C12orf54: variants seen among roughly 807,000 people sequenced by gnomAD.
C12orf54 encodes uncharacterized protein C12orf54.
Under a neutral mutation model 26.4 loss-of-function variants are expected in C12orf54, and 24 were observed. That is an observed-to-expected ratio of 0.91 (90% confidence interval 0.66 to 1.28). C12orf54 has a LOEUF of 1.28. C12orf54 is among the 50% of genes most tolerant of loss of function. The pLI, the probability that C12orf54 is intolerant of heterozygous loss-of-function variation, is 0.00. For missense variants in C12orf54, 154 were observed against 150.9 expected (o/e 1.02, Z -0.11); for synonymous variants, 54 against 47.0 (o/e 1.15, Z -0.61).
At chr12:48,439,840 A>G in the C12orf54 span, among the ~76,000 whole-genome samples, 1 of 152,180 alleles carries the variant, frequency 6.6e-6, no homozygotes, top group Non-Finnish European at 1.5e-5. Flanking sequence ...TGGCATATGT[A>G]TACATACGTA....
the C12orf54 span, among the ~76,000 whole-genome samples, chr12:48,459,024 A>G: frequency 6.6e-6 from 1 of 151,584 alleles, no homozygotes; most frequent in African/African-American, 2.4e-5. Flanking sequence ...GCTTCCATCT[A>G]TCCTCCTCTT....
chr12:48,470,197 T>C, the C12orf54 span, among the ~76,000 whole-genome samples: 7 of 152,236 alleles, frequency 4.6e-5, no homozygotes, highest in Non-Finnish European at 7.3e-5. Flanking sequence ...TTATTTTCCT[T>C]TGGGTAGATA....
chr12:48,478,163 T>A (rs770560893), upstream of C12orf54, among the ~76,000 whole-genome samples: 4 of 152,170 alleles, frequency 2.6e-5, no homozygotes, highest in Non-Finnish European at 4.4e-5. Context: ...ATTATCTCAA[T>A]AGATGCAGAA....
chr12:48,434,214 GA>G, the C12orf54 span, among the ~76,000 whole-genome samples: 1 of 152,242 alleles, frequency 6.6e-6, no homozygotes, highest in African/African-American at 2.4e-5. Context: ...GAGGCTGGGG[GA>G]GGGGCGCCCG....
the C12orf54 span, among the ~76,000 whole-genome samples, chr12:48,420,081 GT>G: frequency 1.9e-3 from 281 of 148,994 alleles, 1 homozygote; most frequent in African/African-American, 6.4e-3. Context: ...TCCACAGTTG[GT>G]TTTTTTTTTC....
At chr12:48,456,358 G>A in the C12orf54 span, among the ~76,000 whole-genome samples, 1 of 152,188 alleles carries the variant, frequency 6.6e-6, no homozygotes, top group Non-Finnish European at 1.5e-5. Context: ...AAAAATTCAA[G>A]CTGTATCAAG....
chr12:48,448,908 G>C, the C12orf54 span, among the ~76,000 whole-genome samples: 1 of 152,132 alleles, frequency 6.6e-6, no homozygotes, highest in Non-Finnish European at 1.5e-5. Flanking sequence ...CATTTTAGGG[G>C]GGCATGAGAC....
chr12:48,495,107 C>A lies in C12orf54; in HGVS notation c.*40+128C>A, dbSNP rs897814804. On this transcript the variant is annotated intron_variant, in intron 8 of 8. Transcript: ENST00000548364. ...ACCCCATGAAGCAGGTGCAGTCATA[C>A]AAGGGGCAATAGGGTGAGAGGGTGG... 5.9e-6 allele frequency: 4 copies of A among 679,260 alleles called. No homozygotes were observed. The East Asian group carries it at 8.3e-5, about 14-fold the overall frequency. 42.1% of individuals were successfully genotyped at this position (679,260 alleles called of 1,614,324 possible).
the C12orf54 span, among the ~76,000 whole-genome samples, chr12:48,447,732 C>T: frequency 6.6e-6 from 1 of 152,218 alleles, no homozygotes; most frequent in East Asian, 1.9e-4. Context: ...ATGACTGCTA[C>T]CTTACATGGC....
At chr12:48,466,210 T>C in the C12orf54 span, among the ~76,000 whole-genome samples, 1 of 152,162 alleles carries the variant, frequency 6.6e-6, no homozygotes, top group Admixed American at 6.6e-5. Flanking sequence ...AACCCAATTA[T>C]AAAATGGATA....
chr12:48,480,230 T>A (rs1348993564), upstream of C12orf54, among the ~76,000 whole-genome samples: 3 of 152,220 alleles, frequency 2.0e-5, no homozygotes, highest in Admixed American at 6.5e-5. Context: ...CAGGAATGTA[T>A]AAAACAAATT....
chr12:48,437,044 T>C, the C12orf54 span, among the ~76,000 whole-genome samples: 2 of 151,138 alleles, frequency 1.3e-5, no homozygotes, highest in African/African-American at 4.9e-5. Flanking sequence ...ATCAAATAGA[T>C]GCAATAAAAA....
the C12orf54 span, among the ~76,000 whole-genome samples, chr12:48,475,115 C>T: frequency 6.6e-6 from 1 of 152,202 alleles, no homozygotes; most frequent in Admixed American, 6.5e-5. Context: ...GCAGTCACTG[C>T]TGCTGAAACC....
Position 48,489,603 on chromosome 12 carries a change from G to A in C12orf54, c.168+647G>A, listed in dbSNP as rs1344946942. On this transcript the variant is annotated intron_variant, in intron 5 of 8. Coordinates refer to ENST00000548364, the MANE Select transcript of C12orf54 (RefSeq NM_152319.4). Reference sequence around the variant, plus strand: ...AACTTTTTTTGTATTTTTTTGTAGAGACAGGGTTTCGCCATGTTGCCCACG... The same window carrying A: ...AACTTTTTTTGTATTTTTTTGTAGAAACAGGGTTTCGCCATGTTGCCCACG... Among the ~76,000 whole-genome samples, 4 of 152,172 alleles carry A rather than the reference G, an allele frequency of 2.6e-5. No individual in the cohort carries two copies. In the East Asian group the frequency reaches 7.7e-4, roughly 29 times the overall value.
chr12:48,471,066 C>T, the C12orf54 span, among the ~76,000 whole-genome samples: 2 of 151,998 alleles, frequency 1.3e-5, no homozygotes, highest in Non-Finnish European at 2.9e-5. Flanking sequence ...CTTATTCATT[C>T]TTTTTATTTT....
At chr12:48,474,976 G>A in the C12orf54 span, among the ~76,000 whole-genome samples, 11 of 152,200 alleles carry the variant, frequency 7.2e-5, no homozygotes, top group African/African-American at 2.2e-4. Context: ...CCCCTGAGTA[G>A]CCTAACTGGG....
At chr12:48,439,805 A>C in the C12orf54 span, among the ~76,000 whole-genome samples, 1 of 152,184 alleles carries the variant, frequency 6.6e-6, no homozygotes, top group Non-Finnish European at 1.5e-5. Context: ...CTAAATGATG[A>C]GGTAATGGGT....
In C12orf54 at chr12:48,495,305, A is replaced by G. The variant is rs541704589; in HGVS notation, c.*40+326A>G. On this transcript the variant is annotated intron_variant, in intron 8 of 8. Transcript: ENST00000548364. The stretch of plus-strand genomic sequence containing the variant: ...AGGGACAGACAATTGTTGGATAAAG[A>G]GATGGAAAGGTGGAAAGTTTTAAAA... 2.6e-5 allele frequency among the ~76,000 whole-genome samples: 4 copies of G among 152,298 alleles called. No individual in the cohort carries two copies. In the South Asian group the frequency reaches 8.3e-4, roughly 32 times the overall value.
upstream of C12orf54, among the ~76,000 whole-genome samples, chr12:48,480,235 C>A (rs897949048): frequency 1.3e-5 from 2 of 152,130 alleles, no homozygotes; most frequent in African/African-American, 2.4e-5. Flanking sequence ...ATGTATAAAA[C>A]AAATTGTTTC....
Sources: allele counts gnomAD v4.1 joint callset (sites outside exome capture counted in the v4.1 genomes callset), GRCh38; gene constraint gnomAD v4.1.1; transcripts MANE v1.5; gene names NCBI Gene and HGNC (gene_info 2026-07-23, HGNC 2026-07-21).